Variants in PCCA observed in about 807,000 individuals in gnomAD.
PCCA encodes propionyl-CoA carboxylase alpha chain, mitochondrial.
Under a neutral mutation model 101.3 loss-of-function variants are expected in PCCA, and 74 were observed. The ratio of observed to expected loss-of-function variants is 0.73; its 90% CI spans 0.61 to 0.89. The LOEUF (loss-of-function observed/expected upper bound fraction) is 0.89, where lower values mean the gene tolerates loss of function less well. Ranked by LOEUF, PCCA falls within the 40% of genes least tolerant of loss-of-function variation. The pLI is 0.00. For synonymous variants in PCCA, 294 were observed against 313.6 expected (o/e 0.94, Z 0.66); for missense variants, 891 against 907.0 (o/e 0.98, Z 0.23).
At position 100,262,779 on chromosome 13, in the gene PCCA, A is replaced by T. The variant is rs756954356; in HGVS notation, c.767A>T (p.Asp256Val). The T allele has an allele frequency of 2.5e-6, 4 of 1,585,080 alleles. No homozygotes were observed. Among genetic ancestry groups the T allele is most frequent in the Non-Finnish European group, 3.5e-6 (4 of 1,157,320 alleles). Residue 256 changes from aspartate to valine, a missense_variant, in exon 10 of 24, where the codon GAT becomes GTT. By Grantham distance (152) the Asp-to-Val change is radical. Transcript: ENST00000376285. ...GAAGCTGCTTCTAGTTTTGGCGATG[A>T]TAGACTACTAATAGAAAAATTTATT... ...SQEAASSFGD[D>V]RLLIEKFIDN...
intron 19 of PCCA, among the ~76,000 whole-genome samples, chr13:100,412,714 A>C (rs1479923187): frequency 6.6e-6 from 1 of 152,196 alleles, no homozygotes; most frequent in Non-Finnish European, 1.5e-5. Context: ...TAATGGGCAC[A>C]GAGTAAACGG....
chr13:100,398,222 G>A (rs910381737), intron 19 of PCCA, among the ~76,000 whole-genome samples: 1 of 152,114 alleles, frequency 6.6e-6, no homozygotes, highest in African/African-American at 2.4e-5. Flanking sequence ...CACTGGTTTA[G>A]GTGCATTAAT....
intron 19 of PCCA, among the ~76,000 whole-genome samples, chr13:100,387,728 T>C (rs1392635067): frequency 2.6e-5 from 4 of 152,218 alleles, no homozygotes; most frequent in Non-Finnish European, 2.9e-5. Flanking sequence ...TATCGCACTC[T>C]ACTTTTGAAA....
intron 12 of PCCA, chr13:100,293,268 G>C (rs1566880170): frequency 8.5e-6 from 4 of 471,500 alleles, no homozygotes; most frequent in Non-Finnish European, 1.8e-5. Flanking sequence ...CAGTACAATT[G>C]TTGAAATTCT....
intron 1 of PCCA, among the ~76,000 whole-genome samples, chr13:100,097,397 A>T (rs972200403): frequency 3.3e-5 from 5 of 152,112 alleles, no homozygotes; most frequent in Admixed American, 1.3e-4. Flanking sequence ...GGTGAATTTT[A>T]TGGTATGTGA....
At chr13:100,175,281 CA>C (rs2056132564) in intron 6 of PCCA, among the ~76,000 whole-genome samples, 1 of 151,864 alleles carries the variant, frequency 6.6e-6, no homozygotes, top group East Asian at 1.9e-4. Context: ...TTTTTTCCCC[CA>C]AACCTTAGAT....
At chr13:100,139,372 G>A (rs1349552978) in intron 4 of PCCA, among the ~76,000 whole-genome samples, 3 of 151,732 alleles carry the variant, frequency 2.0e-5, no homozygotes, top group Non-Finnish European at 2.9e-5. Context: ...AGACATGTAT[G>A]TTAGACCTTT....
chr13:100,151,521 G>T (rs2053318105), intron 4 of PCCA, among the ~76,000 whole-genome samples: 1 of 152,102 alleles, frequency 6.6e-6, no homozygotes, highest in African/African-American at 2.4e-5. Context: ...GAACCTGGGA[G>T]GTGGAGGTTG....
chr13:100,451,592 C>T (rs1214662335), intron 21 of PCCA, among the ~76,000 whole-genome samples: 2 of 152,020 alleles, frequency 1.3e-5, no homozygotes, highest in Admixed American at 6.6e-5. Context: ...CTTCATGTAT[C>T]GGAAACTGAG....
chr13:100,307,521 A>T (rs908703535), intron 15 of PCCA, among the ~76,000 whole-genome samples: 1 of 152,146 alleles, frequency 6.6e-6, no homozygotes, highest in Admixed American at 6.5e-5. Flanking sequence ...TAAACATCTA[A>T]CCAGTGGTGC....
At chr13:100,466,970 T>A (rs919055752) in intron 21 of PCCA, among the ~76,000 whole-genome samples, 1 of 152,206 alleles carries the variant, frequency 6.6e-6, no homozygotes, top group African/African-American at 2.4e-5. Flanking sequence ...GTAAAGTAGG[T>A]TGGCCGGGGG....
chr13:100,221,396 TG>T (rs1332399470), intron 7 of PCCA, among the ~76,000 whole-genome samples: 2 of 152,180 alleles, frequency 1.3e-5, no homozygotes, highest in African/African-American at 4.8e-5. Flanking sequence ...TGGCTTTTAG[TG>T]GGCTTCGAAC....
chr13:100,405,847 A>G (rs1165771116), intron 19 of PCCA, among the ~76,000 whole-genome samples: 2 of 146,602 alleles, frequency 1.4e-5, no homozygotes, highest in African/African-American at 2.5e-5. Context: ...GCTTACTGCA[A>G]CCTCCAACTC....
intron 19 of PCCA, among the ~76,000 whole-genome samples, chr13:100,402,174 A>G (rs1337154499): frequency 6.6e-6 from 1 of 152,170 alleles, no homozygotes. Flanking sequence ...TTTATAGGAC[A>G]TTACAACTGA....
rs1448649300 is a variant in PCCA at position 100,189,430 on chromosome 13, T to C, written c.469-19902T>C. The stretch of plus-strand genomic sequence containing the variant: ...GTAATGGAATTGCTGCTTAGCCTAC[T>C]TTTTGATGGGATTGTTCATTTTTTT... On this transcript the variant is annotated intron_variant, in intron 6 of 23. Transcript: ENST00000376285. Among the ~76,000 whole-genome samples, 15 of 152,198 alleles carry C rather than the reference T, an allele frequency of 9.9e-5. 1 individual carries two copies. Among genetic ancestry groups the C allele is most frequent in the Admixed American group, 9.8e-4 (15 of 15,278 alleles).
chr13:100,343,943 C>G (rs1018312925), intron 18 of PCCA, among the ~76,000 whole-genome samples: 2 of 152,140 alleles, frequency 1.3e-5, no homozygotes, highest in Admixed American at 6.5e-5. Flanking sequence ...GGCTTGGTGG[C>G]GCATGCCTGT....
chr13:100,521,119 T>C (rs1007098608), intron 22 of PCCA, among the ~76,000 whole-genome samples: 1 of 152,228 alleles, frequency 6.6e-6, no homozygotes, highest in African/African-American at 2.4e-5. Flanking sequence ...AGGCTTTGGC[T>C]CTGATTTTGA....
intron 4 of PCCA, among the ~76,000 whole-genome samples, chr13:100,141,854 GA>G (rs1566564085): frequency 6.6e-6 from 1 of 152,138 alleles, no homozygotes; most frequent in Admixed American, 6.5e-5. Context: ...GTGGATCAGG[GA>G]AAAGAAAGGA....
At chr13:100,435,100 C>A (rs1259256943) in intron 20 of PCCA, among the ~76,000 whole-genome samples, 2 of 152,134 alleles carry the variant, frequency 1.3e-5, no homozygotes, top group African/African-American at 4.8e-5. Flanking sequence ...AAAGAAAAAC[C>A]TGAGACTGCA....
Sources: allele counts gnomAD v4.1 joint callset (sites outside exome capture counted in the v4.1 genomes callset), GRCh38; gene constraint gnomAD v4.1.1; transcripts MANE v1.5; gene names NCBI Gene and HGNC (gene_info 2026-07-23, HGNC 2026-07-21).